The following ABCB1 variants were observed in gnomAD, a reference collection of about 807,000 sequenced individuals.
ABCB1 encodes the protein ATP-dependent translocase ABCB1.
ABCB1 carries 69 observed loss-of-function variants against 142.0 expected under a neutral mutation model. That is an observed-to-expected ratio of 0.49 (90% CI 0.40 to 0.59). ABCB1 has a LOEUF of 0.59. ABCB1 is among the 20% of genes least tolerant of loss of function. The probability of loss-of-function intolerance (pLI) is 0.00; values close to 1 mark genes in which losing one functional copy is unlikely to be tolerated. For synonymous variants in ABCB1, 532 were observed against 539.2 expected (o/e 0.99, Z 0.18); for missense variants, 1,326 against 1,554.7 (o/e 0.85, Z 2.47).
intron 1 of ABCB1, among the ~76,000 whole-genome samples, chr7:87,666,839 T>A (rs1229829064): frequency 6.6e-6 from 1 of 152,178 alleles, no homozygotes. Context: ...TCTGTTCCAT[T>A]GGTCTATGTG....
intron 1 of ABCB1, among the ~76,000 whole-genome samples, chr7:87,634,886 T>C (rs1821607918): frequency 6.6e-6 from 1 of 152,186 alleles, no homozygotes; most frequent in Admixed American, 6.5e-5. Context: ...CATGCTCTAA[T>C]TAGTAGATGC....
chr7:87,550,404 C>T lies in ABCB1; in HGVS notation c.1224+64G>A, dbSNP rs1584871788. On this transcript the variant is annotated intron_variant, in intron 11 of 27. Transcript: ENST00000622132. The stretch of plus-strand genomic sequence containing the variant: ...TACATGCACTTTTTTATAATCTCTA[C>T]AAGAAAACATCAGAAACTCTTCATT... 6.2e-7 allele frequency: 1 copy of T among 1,603,176 alleles called. No individual in the cohort carries two copies. The highest frequency in any genetic ancestry group is 8.5e-7 in the Non-Finnish European group (1 of 1,172,890).
At chr7:87,577,351 A>G (rs762490631) in intron 4 of ABCB1, among the ~76,000 whole-genome samples, 4 of 152,142 alleles carry the variant, frequency 2.6e-5, no homozygotes, top group Non-Finnish European at 5.9e-5. Flanking sequence ...AATCCTGGCT[A>G]TTGTGAATAG....
chr7:87,539,019 T>C (rs1816410423), intron 19 of ABCB1, among the ~76,000 whole-genome samples: 1 of 152,186 alleles, frequency 6.6e-6, no homozygotes, highest in South Asian at 2.1e-4. Context: ...AGACACAGGC[T>C]GGAGGTGAAT....
At chr7:87,535,154 GC>G (rs1294653738) in intron 20 of ABCB1, among the ~76,000 whole-genome samples, 3 of 151,926 alleles carry the variant, frequency 2.0e-5, no homozygotes, top group African/African-American at 7.3e-5. Flanking sequence ...CTCCTTCTAT[GC>G]TTGCCCCCTT....
intron 4 of ABCB1, among the ~76,000 whole-genome samples, chr7:87,577,625 G>A (rs2129880032): frequency 6.6e-6 from 1 of 152,270 alleles, no homozygotes; most frequent in East Asian, 1.9e-4. Context: ...ATTTTAACTG[G>A]GGTGAAATGA....
chr7:87,554,396 G>A (rs1299543104), intron 8 of ABCB1, among the ~76,000 whole-genome samples: 1 of 151,662 alleles, frequency 6.6e-6, no homozygotes, highest in Non-Finnish European at 1.5e-5. Flanking sequence ...TTTGGAGACA[G>A]TTTGCTCTCT....
At chr7:87,696,304 G>A (rs1489609935) in intron 1 of ABCB1, among the ~76,000 whole-genome samples, 1 of 152,050 alleles carries the variant, frequency 6.6e-6, no homozygotes, top group African/African-American at 2.4e-5. Flanking sequence ...TTGAGGAGTG[G>A]TTATTTATTA....
At chr7:87,690,531 A>G (rs1827910143) in intron 1 of ABCB1, among the ~76,000 whole-genome samples, 1 of 152,168 alleles carries the variant, frequency 6.6e-6, no homozygotes, top group African/African-American at 2.4e-5. Flanking sequence ...AAGCTTAAGA[A>G]AAGTTATATA....
chr7:87,680,097 A>T (rs538950267), intron 1 of ABCB1, among the ~76,000 whole-genome samples: 1 of 150,214 alleles, frequency 6.7e-6, no homozygotes, highest in Non-Finnish European at 1.5e-5. Context: ...TCGTTGTTCA[A>T]CTTCCACTTA....
intron 3 of ABCB1, among the ~76,000 whole-genome samples, chr7:87,588,220 G>A (rs1818844456): frequency 6.6e-6 from 1 of 151,606 alleles, no homozygotes; most frequent in Non-Finnish European, 1.5e-5. Flanking sequence ...ACAAATGCAG[G>A]TTTGTTACAT....
At chr7:87,670,601 G>A (rs752793221) in intron 1 of ABCB1, among the ~76,000 whole-genome samples, 1 of 152,228 alleles carries the variant, frequency 6.6e-6, no homozygotes, top group African/African-American at 2.4e-5. Context: ...ATCTCTGTGT[G>A]TGGGTGTTCC....
At chr7:87,616,073 T>C (rs559405017) in intron 1 of ABCB1, among the ~76,000 whole-genome samples, 2 of 152,334 alleles carry the variant, frequency 1.3e-5, no homozygotes, top group South Asian at 4.1e-4. Context: ...AGGTAGATTT[T>C]AACATAAAGT....
intron 20 of ABCB1, among the ~76,000 whole-genome samples, chr7:87,535,167 G>A (rs10274587): frequency 0.13 from 19,128 of 151,722 alleles, 1,270 homozygotes; most frequent in Middle Eastern, 0.16. Flanking sequence ...TGCCCCCTTC[G>A]GCCTATTCAC....
intron 24 of ABCB1, 113 bp downstream of exon 24, chr7:87,516,396 A>C: frequency 7.5e-7 from 1 of 1,341,170 alleles, no homozygotes; most frequent in South Asian, 1.2e-5. Flanking sequence ...TGATCTAGGA[A>C]GTTTTATTTT....
At chr7:87,508,162 G>A (rs28746509) in intron 26 of ABCB1, among the ~76,000 whole-genome samples, 3,885 of 152,194 alleles carry the variant, frequency 0.026, 65 homozygotes, top group South Asian at 0.044. Context: ...TCTAATTTTG[G>A]ACTTTTAATA....
chr7:87,691,318 G>A (rs1341201167), intron 1 of ABCB1, among the ~76,000 whole-genome samples: 1 of 152,032 alleles, frequency 6.6e-6, no homozygotes, highest in Non-Finnish European at 1.5e-5. Context: ...TTCTTCTATT[G>A]CATATCCATC....
rs1355889810 is a variant in ABCB1, at chr7:87,516,546, G to C, written c.3047C>G (p.Pro1016Arg). 2 of 1,614,044 alleles carry C rather than the reference G, an allele frequency of 1.2e-6. No individual in the cohort carries two copies. The highest frequency in any genetic ancestry group is 1.3e-5 in the African/African-American group (1 of 74,904). The change falls in exon 24 of 28, where the codon CCT becomes CGT. Residue 1016 changes from proline (P) to arginine (R), a missense_variant. Coordinates refer to ENST00000622132, the MANE Select transcript of ABCB1 (RefSeq NM_001348946.2). The part of the protein sequence containing the change: ...AHIIMIIEKT[P>R]LIDSYSTEGL... ...TTCCGTGCTGTAGCTGTCAATCAAA[G>C]GGGTTTTTTCAATGATCATGATGAT...
rs1314060722 is a variant in ABCB1 at position 87,509,366 on chromosome 7, T to C, written c.3398A>G (p.Tyr1133Cys). The stretch of plus-strand genomic sequence containing the variant: ...TGACACCACCCGGCTGTTGTCTCCA[T>C]AGGCAATGTTCTCAGCAATGCTGCA... ...FDCSIAENIA[Y>C]GDNSRVVSQE... The change falls in exon 26 of 28, where the codon TAT becomes TGT. Residue 1133 changes from tyrosine to cysteine, a missense_variant. Physicochemically the swap from Tyr to Cys is radical, Grantham distance 194. Transcript: ENST00000622132. 2.5e-6 allele frequency: 4 copies of C among 1,613,998 alleles called. No individual in the cohort carries two copies. Among genetic ancestry groups the C allele is most frequent in the Non-Finnish European group, 8.5e-7 (1 of 1,179,994 alleles).
Sources: gnomAD v4.1 joint callset for allele counts (sites outside exome capture counted in the v4.1 genomes callset) on GRCh38, gnomAD v4.1.1 for gene constraint, MANE v1.5 for transcripts, NCBI Gene and HGNC (gene_info 2026-07-23, HGNC 2026-07-21) for gene names.